The following PTCHD4 variants were observed in gnomAD, a reference collection of about 807,000 sequenced individuals.
PTCHD4 encodes the protein patched domain-containing protein 4.
A neutral mutation model predicts 58.1 loss-of-function variants in PTCHD4; 33 were observed. That is an observed-to-expected ratio of 0.57 (90% CI 0.43 to 0.76). PTCHD4 has a LOEUF of 0.76. Among genes scored for constraint, PTCHD4 ranks in the 30% least tolerant of loss-of-function variants. The pLI, the probability that PTCHD4 is intolerant of heterozygous loss-of-function variation, is 0.00. For synonymous variants in PTCHD4, 478 were observed against 409.6 expected (o/e 1.17, Z -2.02); for missense variants, 1,058 against 1,027.1 (o/e 1.03, Z -0.41).
At chr6:48,107,820 C>T (rs1273622028) in intron 1 of PTCHD4, among the ~76,000 whole-genome samples, 1 of 152,218 alleles carries the variant, frequency 6.6e-6, no homozygotes, top group East Asian at 1.9e-4. Flanking sequence ...CAAAAGAAGA[C>T]ATTTATGCAG....
At chr6:47,884,944 ATTG>A (rs1764135958) in intron 4 of PTCHD4, among the ~76,000 whole-genome samples, 1 of 152,118 alleles carries the variant, frequency 6.6e-6, no homozygotes, top group African/African-American at 2.4e-5. Context: ...AAAGTTTATA[ATTG>A]TTATTTTTTT....
At chr6:47,909,873 C>G (rs371749939) in intron 4 of PTCHD4, among the ~76,000 whole-genome samples, 200 of 152,178 alleles carry the variant, frequency 1.3e-3, no homozygotes, top group African/African-American at 4.3e-3. Context: ...CATCATAGCC[C>G]CAGCTATGGT....
At chr6:48,104,849 C>A (rs948733774) in intron 1 of PTCHD4, among the ~76,000 whole-genome samples, 6 of 151,998 alleles carry the variant, frequency 3.9e-5, no homozygotes, top group Non-Finnish European at 7.4e-5. Context: ...TCAAAAGAGA[C>A]AAAGAAGGCC....
intron 1 of PTCHD4, among the ~76,000 whole-genome samples, chr6:48,106,131 G>A (rs79316457): frequency 7.2e-5 from 11 of 151,964 alleles, no homozygotes; most frequent in South Asian, 2.1e-4. Context: ...TACCAAAGCC[G>A]GGCAGAGACG....
chr6:48,101,626 G>T (rs1010494468), intron 1 of PTCHD4, among the ~76,000 whole-genome samples: 2 of 152,106 alleles, frequency 1.3e-5, no homozygotes, highest in South Asian at 4.2e-4. Context: ...GTAGCCTCAC[G>T]ATTTATTATA....
chr6:47,963,191 A>G (rs1767163157), intron 4 of PTCHD4, among the ~76,000 whole-genome samples: 1 of 152,048 alleles, frequency 6.6e-6, no homozygotes, highest in African/African-American at 2.4e-5. Context: ...AATAAGATTA[A>G]ATAGACATTC....
At chr6:47,967,245 C>G (rs1767328502) in intron 4 of PTCHD4, among the ~76,000 whole-genome samples, 1 of 152,144 alleles carries the variant, frequency 6.6e-6, no homozygotes, top group South Asian at 2.1e-4. Flanking sequence ...TAACCAGACG[C>G]ATTGTCGATT....
At chr6:47,891,642 C>T (rs1420178840) in intron 4 of PTCHD4, among the ~76,000 whole-genome samples, 1 of 152,154 alleles carries the variant, frequency 6.6e-6, no homozygotes, top group African/African-American at 2.4e-5. Context: ...CTCTTCTTGA[C>T]AGTAAACAAC....
intron 4 of PTCHD4, among the ~76,000 whole-genome samples, chr6:47,905,542 G>A (rs1262229166): frequency 6.6e-6 from 1 of 152,160 alleles, no homozygotes; most frequent in East Asian, 1.9e-4. Flanking sequence ...AAATGTGCAA[G>A]TAATTGTTAC....
Position 47,857,373 on chromosome 6 carries a change from T to C in PTCHD4, c.*20930A>G, listed in dbSNP as rs1763329907. On this transcript the variant is annotated 3_prime_UTR_variant, in exon 5 of 5. Transcript: ENST00000339488. ...GTAGGGCATAACTTCTATCCTGTGA[T>C]AGTACATCATTAAAAAGTATCTTGC... Among the ~76,000 whole-genome samples, 1 of 152,078 alleles carries C rather than the reference T, an allele frequency of 6.6e-6. No homozygotes were observed. The highest frequency in any genetic ancestry group is 6.6e-5 in the Admixed American group (1 of 15,228).
chr6:48,105,758 CA>C (rs1765705012), intron 1 of PTCHD4, among the ~76,000 whole-genome samples: 1 of 151,922 alleles, frequency 6.6e-6, no homozygotes, highest in Non-Finnish European at 1.5e-5. Flanking sequence ...TAAAAAATGA[CA>C]AAGGGGATAT....
chr6:47,959,444 A>G (rs1581935337), intron 4 of PTCHD4, among the ~76,000 whole-genome samples: 1 of 152,228 alleles, frequency 6.6e-6, no homozygotes, highest in Admixed American at 6.5e-5. Flanking sequence ...GATAACTTCA[A>G]GCAGTCTAAT....
intron 1 of PTCHD4, among the ~76,000 whole-genome samples, chr6:48,091,476 G>C (rs1325478609): frequency 6.6e-6 from 1 of 152,056 alleles, no homozygotes; most frequent in African/African-American, 2.4e-5. Flanking sequence ...CATGCTAAAG[G>C]TAGAGCACTG....
intron 4 of PTCHD4, among the ~76,000 whole-genome samples, chr6:47,922,818 A>T (rs1162163919): frequency 6.6e-6 from 1 of 152,114 alleles, no homozygotes; most frequent in African/African-American, 2.4e-5. Flanking sequence ...TATTCTTGTT[A>T]CTGGTTTTCC....
At chr6:47,921,955 AAAAAAG>A (rs1441178882) in intron 4 of PTCHD4, among the ~76,000 whole-genome samples, 13 of 149,394 alleles carry the variant, frequency 8.7e-5, no homozygotes, top group Non-Finnish European at 8.9e-5. Flanking sequence ...TAAAAAAAAA[AAAAAAG>A]AAAAGAAAAG....
chr6:48,034,604 G>C (rs1763565395), intron 3 of PTCHD4, among the ~76,000 whole-genome samples: 1 of 152,068 alleles, frequency 6.6e-6, no homozygotes, highest in South Asian at 2.1e-4. Flanking sequence ...ATTTAAGTGA[G>C]AGTTAAATTC....
At chr6:47,892,665 T>C (rs1764415749) in intron 4 of PTCHD4, among the ~76,000 whole-genome samples, 1 of 152,236 alleles carries the variant, frequency 6.6e-6, no homozygotes, top group South Asian at 2.1e-4. Context: ...GAAGGACTCT[T>C]ACTTTGCAAA....
At chr6:48,072,649 C>G (rs1163057906) in intron 1 of PTCHD4, among the ~76,000 whole-genome samples, 5 of 152,106 alleles carry the variant, frequency 3.3e-5, no homozygotes, top group African/African-American at 1.2e-4. Context: ...AGAGCAATGA[C>G]ATTACATGGA....
chr6:48,007,237 C>CT (rs1562002845), intron 4 of PTCHD4, among the ~76,000 whole-genome samples: 1 of 151,726 alleles, frequency 6.6e-6, no homozygotes, highest in Non-Finnish European at 1.5e-5. Context: ...GAGACTCTGT[C>CT]CCCCCAAAAA....
Sources: gnomAD v4.1 joint callset for allele counts (sites outside exome capture counted in the v4.1 genomes callset) on GRCh38, gnomAD v4.1.1 for gene constraint, MANE v1.5 for transcripts, NCBI Gene and HGNC (gene_info 2026-07-23, HGNC 2026-07-21) for gene names.